The following EYA4 variants were observed in gnomAD, a reference collection of about 807,000 sequenced individuals.
EYA4 encodes the protein protein phosphatase EYA4.
EYA4 carries 31 observed loss-of-function variants against 87.9 expected under a neutral mutation model. The ratio of observed to expected loss-of-function variants is 0.35; its 90% CI spans 0.27 to 0.48. The LOEUF (loss-of-function observed/expected upper bound fraction) is 0.48. EYA4 is among the 20% of genes least tolerant of loss of function. The pLI is 0.99. For synonymous variants in EYA4, 263 were observed against 270.6 expected (o/e 0.97, Z 0.28); for missense variants, 678 against 761.4 (o/e 0.89, Z 1.29).
intron 3 of EYA4, among the ~76,000 whole-genome samples, chr6:133,393,962 T>G (rs1460088490): frequency 6.6e-6 from 1 of 152,192 alleles, no homozygotes; most frequent in Non-Finnish European, 1.5e-5. Flanking sequence ...GATTCCAAAA[T>G]TTTGATTTGT....
chr6:133,358,002 T>A (rs544131209), intron 2 of EYA4, among the ~76,000 whole-genome samples: 1 of 152,274 alleles, frequency 6.6e-6, no homozygotes, highest in East Asian at 1.9e-4. Flanking sequence ...TGCTAAGTCT[T>A]GCTACGGTAT....
At chr6:133,476,293 AAATAC>A (rs763491675) in intron 11 of EYA4, among the ~76,000 whole-genome samples, 2 of 152,102 alleles carry the variant, frequency 1.3e-5, no homozygotes, top group South Asian at 2.1e-4. Flanking sequence ...CAATTTTTAG[AAATAC>A]AATACATTGT....
chr6:133,242,904 T>C (rs1057263664), intron 1 of EYA4, among the ~76,000 whole-genome samples: 3 of 152,140 alleles, frequency 2.0e-5, no homozygotes, highest in African/African-American at 2.4e-5. Context: ...GTGTGGAGAC[T>C]GTCCTCTCTC....
Position 133,528,893 on chromosome 6 carries a change from T to A in EYA4, c.*88T>A. 6.2e-7 allele frequency: 1 copy of A among 1,605,338 alleles called. No homozygotes were observed. The highest frequency in any genetic ancestry group is 8.5e-7 in the Non-Finnish European group (1 of 1,174,832). On this transcript the variant is annotated 3_prime_UTR_variant, in exon 20 of 20. Coordinates refer to ENST00000355286, the MANE Select transcript of EYA4 (RefSeq NM_004100.5). ...TTCAATGCCTCTGGCTCTACACATA[T>A]AAATTGTCTTAATGGATGAAATCAT...
chr6:133,368,145 G>C (rs181234857), intron 2 of EYA4, among the ~76,000 whole-genome samples: 1 of 152,204 alleles, frequency 6.6e-6, no homozygotes, highest in African/African-American at 2.4e-5. Flanking sequence ...GTGTCCTGGT[G>C]TAAGCTGAGA....
intron 2 of EYA4, among the ~76,000 whole-genome samples, chr6:133,310,626 A>G (rs1780144059): frequency 6.6e-6 from 1 of 152,234 alleles, no homozygotes; most frequent in Admixed American, 6.5e-5. Context: ...TTTGGTTAAC[A>G]GTATTTCCAT....
chr6:133,436,497 T>C (rs1791696588), intron 3 of EYA4, among the ~76,000 whole-genome samples: 2 of 152,270 alleles, frequency 1.3e-5, no homozygotes, highest in East Asian at 3.9e-4. Context: ...ATTCTAGGAA[T>C]AGGGAAAAAA....
intron 16 of EYA4, among the ~76,000 whole-genome samples, chr6:133,514,223 T>C (rs1799403565): frequency 6.6e-6 from 1 of 152,216 alleles, no homozygotes; most frequent in African/African-American, 2.4e-5. Flanking sequence ...GAATCTCTGA[T>C]TTCCTGATTT....
intron 3 of EYA4, 147 bp downstream of exon 3, chr6:133,382,588 C>T: frequency 1.3e-6 from 1 of 756,054 alleles, no homozygotes; most frequent in Non-Finnish European, 2.4e-6. Flanking sequence ...ATCATGCTGG[C>T]TAGCGTACCA....
At chr6:133,475,499 A>G (rs1178727665) in intron 11 of EYA4, among the ~76,000 whole-genome samples, 1 of 152,046 alleles carries the variant, frequency 6.6e-6, no homozygotes, top group Non-Finnish European at 1.5e-5. Flanking sequence ...AGATCATTTC[A>G]CTCTCTGAAA....
intron 2 of EYA4, among the ~76,000 whole-genome samples, chr6:133,367,782 T>C (rs1462435895): frequency 1.3e-5 from 2 of 152,194 alleles, no homozygotes; most frequent in Admixed American, 6.5e-5. Context: ...CTATTAATAA[T>C]TCGTACCTAC....
chr6:133,414,151 C>G (rs1436281806), intron 3 of EYA4, among the ~76,000 whole-genome samples: 1 of 152,086 alleles, frequency 6.6e-6, no homozygotes, highest in Non-Finnish European at 1.5e-5. Flanking sequence ...TGTAAGACCC[C>G]CATGGTGTGG....
chr6:133,385,310 A>G (rs987104713), intron 3 of EYA4, among the ~76,000 whole-genome samples: 12 of 149,080 alleles, frequency 8.0e-5, no homozygotes, highest in African/African-American at 2.7e-4. Flanking sequence ...AAAAAAAAAA[A>G]AAAAAACCCA....
intron 2 of EYA4, among the ~76,000 whole-genome samples, chr6:133,310,089 G>GA (rs1006027804): frequency 2.6e-5 from 4 of 152,180 alleles, no homozygotes; most frequent in African/African-American, 9.7e-5. Flanking sequence ...ACACAGCAGC[G>GA]AAAGTGAGGA....
intron 6 of EYA4, among the ~76,000 whole-genome samples, chr6:133,458,583 T>C (rs1261243010): frequency 6.6e-6 from 1 of 152,098 alleles, no homozygotes; most frequent in Non-Finnish European, 1.5e-5. Context: ...CTCTGCACTG[T>C]AAGATGTTTG....
intron 3 of EYA4, among the ~76,000 whole-genome samples, chr6:133,412,433 A>G (rs971157707): frequency 5.9e-5 from 9 of 152,210 alleles, no homozygotes; most frequent in African/African-American, 2.2e-4. Context: ...CCTCTTCACA[A>G]TCATACCCCT....
chr6:133,331,548 G>A (rs1403271674), intron 2 of EYA4, among the ~76,000 whole-genome samples: 1 of 152,058 alleles, frequency 6.6e-6, no homozygotes, highest in Non-Finnish European at 1.5e-5. Context: ...GAGTTGACAT[G>A]GGCACAAGGC....
rs373793708 is a variant in EYA4, at chr6:133,402,009, G to T, written c.83+19568G>T. ...AACCATAATGAATCAAGAGGAAAAG[G>T]GGAAGGAACTGAGGAGTTGCCCACC... On this transcript the variant is annotated intron_variant, in intron 3 of 19. Transcript: ENST00000355286. 6.0e-4 allele frequency among the ~76,000 whole-genome samples: 92 copies of T among 152,222 alleles called. 2 individuals carry two copies. The South Asian group carries it at 0.017, about 29-fold the overall frequency.
intron 10 of EYA4, among the ~76,000 whole-genome samples, chr6:133,466,973 G>A (rs1271647341): frequency 2.0e-5 from 3 of 152,010 alleles, no homozygotes; most frequent in Non-Finnish European, 4.4e-5. Flanking sequence ...GTTTTGAGAC[G>A]ATAACTCTGC....
Sources: gnomAD v4.1 joint callset for allele counts (sites outside exome capture counted in the v4.1 genomes callset) on GRCh38, gnomAD v4.1.1 for gene constraint, MANE v1.5 for transcripts, NCBI Gene and HGNC (gene_info 2026-07-23, HGNC 2026-07-21) for gene names.